Variants in KIF26B observed in about 807,000 individuals in gnomAD.
KIF26B encodes kinesin-like protein KIF26B.
In KIF26B, 63 loss-of-function variants were observed where a neutral mutation model predicts 151.2. That is an observed-to-expected ratio of 0.42 (90% CI 0.34 to 0.51). KIF26B has a LOEUF of 0.51. KIF26B is among the 20% of genes least tolerant of loss of function. KIF26B has a pLI of 0.07. For missense variants in KIF26B, 2,813 were observed against 2,913.6 expected (o/e 0.97, Z 0.79); for synonymous variants, 1,357 against 1,262.1 (o/e 1.08, Z -1.59).
Position 245,699,494 on chromosome 1 carries a change from G to GAAA in KIF26B, c.6178+470_6178+472dup, listed in dbSNP as rs774959523. Among the ~76,000 whole-genome samples, 1,117 of 128,652 alleles carry GAAA rather than the reference G, an allele frequency of 8.7e-3. 10 individuals carry two copies. Among genetic ancestry groups the GAAA allele is most frequent in the African/African-American group, 0.03 (1,064 of 35,564 alleles). 84.4% of individuals were successfully genotyped at this position (128,652 alleles called of 152,430 possible). A position where few individuals can be genotyped will look rare whatever the true frequency, so the allele number is the denominator to read the frequency against. ...AAAGCAAGGAAAACATTTTTGAGTGGAAAAAAAAAAAAAAAGACAGCCACA... is the reference window on the plus strand; with the variant it reads ...AAAGCAAGGAAAACATTTTTGAGTGGAAAAAAAAAAAAAAAAAAGACAGCCACA... On this transcript the variant is annotated intron_variant, in intron 14 of 14. Coordinates refer to ENST00000407071, the MANE Select transcript of KIF26B (RefSeq NM_018012.4).
At position 245,327,020 on chromosome 1, in the gene KIF26B, G is replaced by GA. The variant is rs200116925; in HGVS notation, c.466-39808dup. 6.8e-4 allele frequency among the ~76,000 whole-genome samples: 103 copies of GA among 152,240 alleles called. 2 individuals are homozygous for GA. In the East Asian group the frequency reaches 0.019, roughly 29 times the overall value. ...CCTACTCCTTACCATCTGAAGAACTGAAAAAATTATTCCAGGTTCAGCAAT... is the reference window on the plus strand; with the variant it reads ...CCTACTCCTTACCATCTGAAGAACTGAAAAAAATTATTCCAGGTTCAGCAAT... On this transcript the variant is annotated intron_variant, in intron 2 of 14. Transcript: ENST00000407071.
In KIF26B at chr1:245,223,970, CT is replaced by C. The variant is rs567135496; in HGVS notation, c.465+67288del. Among the ~76,000 whole-genome samples, 81 of 152,286 alleles carry C rather than the reference CT, an allele frequency of 5.3e-4. No individual in the cohort carries two copies. In the East Asian group the frequency reaches 0.015, roughly 28 times the overall value. On this transcript the variant is annotated intron_variant, in intron 2 of 14. Coordinates refer to ENST00000407071, the MANE Select transcript of KIF26B (RefSeq NM_018012.4). ...TGTGCATCTTTTTAAATCTCAGCCC[CT>C]GAATACATGTTCTTTTAATATTCTG...
chr1:245,688,708 G>C lies in KIF26B; in HGVS notation c.5725G>C (p.Gly1909Arg). 1 of 1,607,814 alleles carries C rather than the reference G, an allele frequency of 6.2e-7. No individual in the cohort carries two copies. Reference protein sequence around the residue: ...ESVMRDSEATGSASSAQDSTS... With the variant: ...ESVMRDSEATRSASSAQDSTS... ...CGTGATGCGGGACAGCGAGGCCACC[G>C]GCAGCGCGTCCTCGGCGCAGGACTC... The change falls in exon 12 of 15, where the codon GGC (glycine) becomes CGC (arginine). Residue 1909 changes from glycine (G) to arginine (R), a missense_variant. Coordinates refer to ENST00000407071, the MANE Select transcript of KIF26B (RefSeq NM_018012.4).
chr1:245,666,785 T>C lies in KIF26B; in HGVS notation c.2259-17448T>C, dbSNP rs192747355. On this transcript the variant is annotated intron_variant, in intron 10 of 14. Coordinates refer to ENST00000407071, the MANE Select transcript of KIF26B (RefSeq NM_018012.4). ...GGGTTATCCGCCCTTTTAACTCAAA[T>C]ATCCCGTTGGGATCAAACATTTTTG... is the stretch of plus-strand genomic sequence containing the variant. Among the ~76,000 whole-genome samples the C allele has an allele frequency of 2.4e-3, 369 of 152,176 alleles. 1 individual carries two copies. Among genetic ancestry groups the C allele is most frequent in the Middle Eastern group, 6.8e-3 (2 of 294 alleles).
chr1:245,437,430 A>G (rs1383636996), intron 4 of KIF26B, among the ~76,000 whole-genome samples: 3 of 152,222 alleles, frequency 2.0e-5, no homozygotes, highest in Non-Finnish European at 4.4e-5. Context: ...AGATAGAGAA[A>G]ATAAAAATAG....
At chr1:245,599,415 C>A (rs911178700) in intron 5 of KIF26B, among the ~76,000 whole-genome samples, 9 of 152,238 alleles carry the variant, frequency 5.9e-5, no homozygotes, top group African/African-American at 1.9e-4. Flanking sequence ...TTCAGCCTCT[C>A]TGCAGAAAAT....
intron 4 of KIF26B, among the ~76,000 whole-genome samples, chr1:245,517,422 CAATACA>C (rs1660992932): frequency 1.3e-5 from 2 of 151,324 alleles, no homozygotes; most frequent in African/African-American, 4.9e-5. Context: ...ATGACTAAAT[CAATACA>C]AATGTTAATC....
At chr1:245,370,517 C>A (rs951179021) in intron 3 of KIF26B, 4 of 440,830 alleles carry the variant, frequency 9.1e-6, no homozygotes, top group African/African-American at 6.0e-5. Context: ...TCAACACATG[C>A]CTGGCTTGTG....
chr1:245,350,006 A>AC (rs1672531829), intron 2 of KIF26B, among the ~76,000 whole-genome samples: 1 of 152,170 alleles, frequency 6.6e-6, no homozygotes, highest in Non-Finnish European at 1.5e-5. Context: ...CCTCCTGACC[A>AC]CATCATTGGG....
chr1:245,360,412 C>G (rs926597333), intron 2 of KIF26B, among the ~76,000 whole-genome samples: 6 of 152,242 alleles, frequency 3.9e-5, no homozygotes, highest in African/African-American at 9.6e-5. Flanking sequence ...TAATTACTAC[C>G]ATTTATTTAA....
Position 245,606,221 on chromosome 1 carries a change from C to T in KIF26B, c.1558-1430C>T, listed in dbSNP as rs2043452596. 6.6e-6 allele frequency among the ~76,000 whole-genome samples: 1 copy of T among 152,260 alleles called. No individual in the cohort carries two copies. The highest frequency in any genetic ancestry group is 2.1e-4 in the South Asian group (1 of 4,816). On this transcript the variant is annotated intron_variant, in intron 6 of 14. Coordinates refer to ENST00000407071, the MANE Select transcript of KIF26B (RefSeq NM_018012.4). This position sits in a 1 kb window ranked among gnomAD's most constrained non-coding sequence, Gnocchi z 4.6. ...CCCCCCGCAGAGTTGCTGGGGACCA[C>T]CCTGGAACAAGTGACAGCTGTTGGA...
chr1:245,231,879 C>T (rs1469455211), intron 2 of KIF26B, among the ~76,000 whole-genome samples: 2 of 152,190 alleles, frequency 1.3e-5, no homozygotes, highest in Non-Finnish European at 2.9e-5. Context: ...AAATCCAGCC[C>T]ATCTGTCTTT....
intron 2 of KIF26B, among the ~76,000 whole-genome samples, chr1:245,246,239 T>C (rs1670328892): frequency 6.6e-6 from 1 of 152,236 alleles, no homozygotes; most frequent in Admixed American, 6.5e-5. Flanking sequence ...AATGTCCTTC[T>C]TGAAAAGAAC....
chr1:245,288,993 C>A (rs1224091368), intron 2 of KIF26B, among the ~76,000 whole-genome samples: 1 of 152,046 alleles, frequency 6.6e-6, no homozygotes, highest in African/African-American at 2.4e-5. Flanking sequence ...TAATGGGTTC[C>A]ATTGTATTTG....
chr1:245,456,981 T>C (rs959260690), intron 4 of KIF26B, among the ~76,000 whole-genome samples: 5 of 152,366 alleles, frequency 3.3e-5, no homozygotes, highest in Admixed American at 1.3e-4. Flanking sequence ...TTCTCCTGCC[T>C]CAGCCTCCTG....
chr1:245,579,617 C>G (rs2043154993), intron 5 of KIF26B, among the ~76,000 whole-genome samples: 1 of 152,010 alleles, frequency 6.6e-6, no homozygotes, highest in Non-Finnish European at 1.5e-5. Flanking sequence ...CCAGACCAGC[C>G]TAACCAACAT....
chr1:245,637,760 C>T (rs1472971148), intron 9 of KIF26B, among the ~76,000 whole-genome samples: 1 of 151,984 alleles, frequency 6.6e-6, no homozygotes, highest in Non-Finnish European at 1.5e-5. Flanking sequence ...AAGAGATTGT[C>T]TTTTCCCCAA....
intron 7 of KIF26B, among the ~76,000 whole-genome samples, chr1:245,608,112 G>T (rs114576084): frequency 2.1e-3 from 315 of 152,280 alleles, no homozygotes; most frequent in Admixed American, 3.9e-3. Context: ...ATGTGGGTTG[G>T]TGGTTGGACC....
intron 5 of KIF26B, among the ~76,000 whole-genome samples, chr1:245,548,018 T>G (rs548555439): frequency 4.7e-4 from 72 of 152,218 alleles, no homozygotes; most frequent in Non-Finnish European, 8.7e-4. Flanking sequence ...GCCTGCTTCA[T>G]ATGAGTAGAC....
Sources: allele counts gnomAD v4.1 joint callset (sites outside exome capture counted in the v4.1 genomes callset), GRCh38; gene constraint gnomAD v4.1.1; non-coding constraint Gnocchi (gnomAD v3.1); transcripts MANE v1.5; gene names NCBI Gene and HGNC (gene_info 2026-07-23, HGNC 2026-07-21).